The following CTNS variants were observed in gnomAD, a reference collection of about 807,000 sequenced individuals.
CTNS encodes the protein cystinosin.
In CTNS, 27 loss-of-function variants were observed where a neutral mutation model predicts 43.7. The observed-to-expected ratio is 0.62, with a 90% CI of 0.46 to 0.85. The LOEUF (loss-of-function observed/expected upper bound fraction) is 0.85. CTNS is among the 40% of genes least tolerant of loss of function. CTNS has a pLI of 0.00. For synonymous variants in CTNS, 187 were observed against 190.6 expected (o/e 0.98, Z 0.16); for missense variants, 457 against 475.4 (o/e 0.96, Z 0.36).
At chr17:3,646,251 C>T (rs1013435792) in intron 3 of CTNS, among the ~76,000 whole-genome samples, 32 of 151,232 alleles carry the variant, frequency 2.1e-4, no homozygotes, top group Admixed American at 1.3e-3. Context: ...TTACTCAGTC[C>T]GGTGCTCTGG....
chr17:3,650,775 T>G (rs1328982508), intron 5 of CTNS, among the ~76,000 whole-genome samples: 1 of 152,178 alleles, frequency 6.6e-6, no homozygotes, highest in African/African-American at 2.4e-5. Context: ...GTGTCATCTT[T>G]TTATTTTTAT....
At position 3,640,269 on chromosome 17, in the gene CTNS, T is replaced by C. The variant is rs767289120; in HGVS notation, c.61+2T>C. The stretch of plus-strand genomic sequence containing the variant: ...CCCTGAAGCTCGTAGAGAAATGTGG[T>C]AAGTTTAGAAATGACACGTCAACTT... On this transcript the variant is annotated splice_donor_variant, in intron 3 of 11. Coordinates refer to ENST00000046640, the MANE Select transcript of CTNS (RefSeq NM_004937.3). LOFTEE classifies it high-confidence loss of function. The C allele has an allele frequency of 2.5e-6, 4 of 1,613,552 alleles. No homozygotes were observed. In the African/African-American group the frequency reaches 4.0e-5, roughly 16 times the overall value.
chr17:3,640,303 G>A (rs1228049480), intron 3 of CTNS, 36 bp downstream of exon 3: 1 of 1,582,236 alleles, frequency 6.3e-7, no homozygotes, highest in African/African-American at 1.3e-5. Flanking sequence ...TTTGTAAAGA[G>A]GGAAATGGTG....
rs200771636 is a variant in CTNS, at chr17:3,660,649, G to A, written c.*280G>A. 2.0e-5 allele frequency: 33 copies of A among 1,613,450 alleles called. No individual in the cohort carries two copies. The highest frequency in any genetic ancestry group is 5.0e-5 in the Admixed American group (3 of 60,008). On this transcript the variant is annotated 3_prime_UTR_variant, in exon 12 of 12. Coordinates refer to ENST00000046640, the MANE Select transcript of CTNS (RefSeq NM_004937.3). ...GCAGCGCGCACAGGCTCTGGCAGCC[G>A]TCTCAGGCAGGACTGGGCACCAAGC...
intron 10 of CTNS, 42 bp downstream of exon 10, chr17:3,658,217 G>T (rs750202627): frequency 6.2e-7 from 1 of 1,609,696 alleles, no homozygotes; most frequent in South Asian, 1.1e-5. Context: ...GGCAGGAGAG[G>T]TGAGAGCTAC....
intron 9 of CTNS, among the ~76,000 whole-genome samples, chr17:3,657,309 C>T (rs1335575102): frequency 6.6e-6 from 1 of 152,160 alleles, no homozygotes; most frequent in African/African-American, 2.4e-5. Context: ...GGCCCGCGTG[C>T]AGGCGGAGAC....
chr17:3,648,402 A>G (rs1404574735), intron 4 of CTNS, among the ~76,000 whole-genome samples: 1 of 152,218 alleles, frequency 6.6e-6, no homozygotes, highest in African/African-American at 2.4e-5. Flanking sequence ...CAGCCAGCAC[A>G]TCTGCCTTCT....
intron 3 of CTNS, among the ~76,000 whole-genome samples, chr17:3,640,611 G>A (rs1339695592): frequency 6.6e-6 from 1 of 152,242 alleles, no homozygotes; most frequent in Non-Finnish European, 1.5e-5. Flanking sequence ...CTTAAAGACT[G>A]GCTCAGGCTG....
chr17:3,647,444 A>G lies in CTNS; in HGVS notation c.62A>G (p.Glu21Gly). ...ATGTCATTGATTTGGGTCCTTCCAG[A>G]GTCAAGCGTCAGCCTCACTGTTCCT... ...LFPLKLVEKC[E>G]SSVSLTVPPV... is the part of the protein sequence containing the mutation. Residue 21 changes from glutamate to glycine, a missense_variant and splice_region_variant, in exon 4 of 12, where the codon GAG (glutamate) becomes GGG (glycine). Coordinates refer to ENST00000046640, the MANE Select transcript of CTNS (RefSeq NM_004937.3). 6.2e-7 allele frequency: 1 copy of G among 1,613,946 alleles called. No homozygotes were observed.
chr17:3,648,960 G>A (rs988467221), intron 5 of CTNS, 29 bp downstream of exon 5: 6 of 1,540,062 alleles, frequency 3.9e-6, no homozygotes, highest in African/African-American at 1.4e-5. Flanking sequence ...CGGATGGGTA[G>A]GGAAATGCTA....
chr17:3,642,459 G>A (rs1318932271), intron 3 of CTNS, among the ~76,000 whole-genome samples: 2 of 152,154 alleles, frequency 1.3e-5, no homozygotes, highest in African/African-American at 2.4e-5. Context: ...AGGCCAAGGT[G>A]GGTGGATCTC....
At chr17:3,658,218 T>C (rs1280475849) in intron 10 of CTNS, 43 bp downstream of exon 10, 1 of 1,609,148 alleles carries the variant, frequency 6.2e-7, no homozygotes, top group Non-Finnish European at 8.5e-7. Context: ...GCAGGAGAGG[T>C]GAGAGCTACA....
At chr17:3,657,729 C>T (rs2076187212) in intron 9 of CTNS, 1 of 534,328 alleles carries the variant, frequency 1.9e-6, no homozygotes, top group South Asian at 2.0e-5. Context: ...GCAGACAGAG[C>T]TTGAGAGTCC....
At chr17:3,658,204 G>T in intron 10 of CTNS, 29 bp downstream of exon 10, 1 of 1,610,926 alleles carries the variant, frequency 6.2e-7, no homozygotes, top group South Asian at 1.1e-5. Context: ...TCACATGGCC[G>T]GTGGCAGGAG....
intron 3 of CTNS, among the ~76,000 whole-genome samples, chr17:3,645,859 CAAAAAA>C (rs35273890): frequency 1.3e-5 from 1 of 74,270 alleles, no homozygotes; most frequent in African/African-American, 5.2e-5. Context: ...GACTCTGTCT[CAAAAAA>C]AAAAAAAAAA....
intron 5 of CTNS, chr17:3,650,365 C>G: frequency 6.5e-7 from 1 of 1,541,978 alleles, no homozygotes; most frequent in South Asian, 1.2e-5. Flanking sequence ...ACCTGTAATC[C>G]CAGCTACTTG....
In CTNS at chr17:3,662,993, G is replaced by A. The variant is rs1044809; in HGVS notation, c.*2624G>A. Reference sequence around the variant, plus strand: ...GGCTTGTGCACTTGCTGAGCTTCCAGATGCGAATTAGTAAAAGCTAAATTC... The same window carrying A: ...GGCTTGTGCACTTGCTGAGCTTCCAAATGCGAATTAGTAAAAGCTAAATTC... On this transcript the variant is annotated 3_prime_UTR_variant, in exon 12 of 12. Transcript: ENST00000046640. 1 of 152,206 alleles carries A rather than the reference G, an allele frequency of 6.6e-6. No homozygotes were observed. The highest frequency in any genetic ancestry group is 2.4e-5 in the African/African-American group (1 of 41,442). 9.4% of individuals were successfully genotyped at this position (152,206 alleles called of 1,614,324 possible).
At chr17:3,647,388 G>T in intron 3 of CTNS, 56 bp from the exon 4 acceptor site, 1 of 1,502,980 alleles carries the variant, frequency 6.7e-7, no homozygotes, top group Admixed American at 1.7e-5. Context: ...CCAGTTTTCT[G>T]TCACAGGCCT....
At chr17:3,648,034 G>A (rs1198498589) in intron 4 of CTNS, among the ~76,000 whole-genome samples, 1 of 152,118 alleles carries the variant, frequency 6.6e-6, no homozygotes, top group Non-Finnish European at 1.5e-5. Context: ...AGTCCAGTCT[G>A]TGCCAGGGAG....
Sources: gnomAD v4.1 joint callset for allele counts (sites outside exome capture counted in the v4.1 genomes callset) on GRCh38, gnomAD v4.1.1 for gene constraint, MANE v1.5 for transcripts, NCBI Gene and HGNC (gene_info 2026-07-23, HGNC 2026-07-21) for gene names.